Variants in PLPPR1 observed in about 807,000 individuals in gnomAD.
PLPPR1 encodes the protein phospholipid phosphatase-related protein type 1.
In PLPPR1, 10 loss-of-function variants were observed where a neutral mutation model predicts 33.1. The ratio of observed to expected loss-of-function variants is 0.30; its 90% CI spans 0.19 to 0.51. PLPPR1 has a LOEUF of 0.51. PLPPR1 is among the 20% of genes least tolerant of loss of function. The pLI is 0.97. For synonymous variants in PLPPR1, 151 were observed against 151.0 expected (o/e 1.00, Z 0.00); for missense variants, 304 against 408.1 (o/e 0.74, Z 2.20).
chr9:101,122,237 C>T (rs1831187099), intron 1 of PLPPR1, among the ~76,000 whole-genome samples: 1 of 152,172 alleles, frequency 6.6e-6, no homozygotes. Context: ...CTAATCTCAC[C>T]ACAGGAACAC....
At chr9:101,055,775 G>A (rs1482391798) in intron 1 of PLPPR1, among the ~76,000 whole-genome samples, 1 of 152,078 alleles carries the variant, frequency 6.6e-6, no homozygotes, top group Non-Finnish European at 1.5e-5. Context: ...GGGCCACATG[G>A]TTCCACATCA....
intron 2 of PLPPR1, among the ~76,000 whole-genome samples, chr9:101,240,794 G>A (rs998911661): frequency 6.6e-6 from 1 of 152,074 alleles, no homozygotes; most frequent in African/African-American, 2.4e-5. Context: ...AGGCCAACTG[G>A]ATCTTTGTTA....
chr9:101,168,594 A>G (rs1346043326), intron 1 of PLPPR1, among the ~76,000 whole-genome samples: 2 of 152,134 alleles, frequency 1.3e-5, no homozygotes, highest in Non-Finnish European at 2.9e-5. Flanking sequence ...TCTAGGTTGT[A>G]AGCTACCTGC....
At chr9:101,039,755 C>G (rs2118415497) in intron 1 of PLPPR1, among the ~76,000 whole-genome samples, 1 of 151,848 alleles carries the variant, frequency 6.6e-6, no homozygotes, top group South Asian at 2.1e-4. Flanking sequence ...TTTTTAAAAC[C>G]ATCAGATCTC....
chr9:101,129,097 C>A (rs7026834), intron 1 of PLPPR1, among the ~76,000 whole-genome samples: 4 of 151,746 alleles, frequency 2.6e-5, no homozygotes, highest in African/African-American at 9.7e-5. Context: ...GATTTTGAAC[C>A]ATATAGGGTA....
At chr9:101,195,008 T>C (rs149941909) in intron 2 of PLPPR1, among the ~76,000 whole-genome samples, 41 of 152,324 alleles carry the variant, frequency 2.7e-4, no homozygotes, top group African/African-American at 7.9e-4. Context: ...TGGCTTAACA[T>C]ATCACAGGCT....
intron 3 of PLPPR1, among the ~76,000 whole-genome samples, chr9:101,281,061 AAATTC>A (rs1209183832): frequency 6.7e-6 from 1 of 150,322 alleles, no homozygotes; most frequent in Non-Finnish European, 1.5e-5. Context: ...ACTGATACAT[AAATTC>A]AATAAAATTT....
intron 1 of PLPPR1, among the ~76,000 whole-genome samples, chr9:101,156,430 G>A (rs559423413): frequency 6.6e-6 from 1 of 151,590 alleles, no homozygotes; most frequent in Non-Finnish European, 1.5e-5. Context: ...TCTGCCTGTG[G>A]TCCCAACTAT....
chr9:101,225,905 C>T (rs1055707537), intron 2 of PLPPR1, among the ~76,000 whole-genome samples: 7 of 151,996 alleles, frequency 4.6e-5, no homozygotes, highest in African/African-American at 1.7e-4. Context: ...TAGGATCAAC[C>T]CATCAATATC....
intron 1 of PLPPR1, among the ~76,000 whole-genome samples, chr9:101,059,862 A>C (rs1830323273): frequency 6.6e-6 from 1 of 152,026 alleles, no homozygotes; most frequent in African/African-American, 2.4e-5. Context: ...GCACACCATT[A>C]ATGAGAATGT....
At chr9:101,322,247 A>G (rs1379811805) in intron 7 of PLPPR1, among the ~76,000 whole-genome samples, 2 of 150,308 alleles carry the variant, frequency 1.3e-5, no homozygotes, top group East Asian at 3.9e-4. Context: ...TCAGGAAAGC[A>G]ATAATAATAA....
chr9:101,077,827 G>C (rs746489662), intron 1 of PLPPR1, among the ~76,000 whole-genome samples: 30 of 151,954 alleles, frequency 2.0e-4, no homozygotes, highest in Non-Finnish European at 4.0e-4. Context: ...ATTTCCAAAA[G>C]GGACACAGGT....
chr9:101,272,733 T>C (rs946125944), intron 3 of PLPPR1, among the ~76,000 whole-genome samples: 2 of 152,224 alleles, frequency 1.3e-5, no homozygotes, highest in African/African-American at 4.8e-5. Flanking sequence ...TTTTAAAGGA[T>C]ACAGCATTTT....
intron 2 of PLPPR1, among the ~76,000 whole-genome samples, chr9:101,221,336 A>G (rs1279660982): frequency 2.0e-5 from 3 of 152,122 alleles, no homozygotes; most frequent in Non-Finnish European, 2.9e-5. Flanking sequence ...ACTCCTTGAG[A>G]TAAGTGTCCA....
At chr9:101,205,162 A>G (rs914213147) in intron 2 of PLPPR1, among the ~76,000 whole-genome samples, 1 of 152,150 alleles carries the variant, frequency 6.6e-6, no homozygotes, top group Non-Finnish European at 1.5e-5. Flanking sequence ...CTCTACCCTG[A>G]AGGCATTAGA....
rs1005479807 is a variant in PLPPR1 at position 101,225,231 on chromosome 9, A to T, written c.63+39674A>T. On this transcript the variant is annotated intron_variant, in intron 2 of 7. Transcript: ENST00000374874. ...AGGAATCTGTCATTTGGACTCATTT[A>T]AGGAATGAATTTTGCCAGCAATTCC... Among the ~76,000 whole-genome samples the T allele has an allele frequency of 1.8e-4, 28 of 152,330 alleles. 1 individual carries two copies. Among genetic ancestry groups the T allele is most frequent in the Admixed American group, 1.3e-3 (20 of 15,304 alleles).
At chr9:101,052,323 T>C (rs1830231598) in intron 1 of PLPPR1, among the ~76,000 whole-genome samples, 1 of 152,226 alleles carries the variant, frequency 6.6e-6, no homozygotes, top group Non-Finnish European at 1.5e-5. Context: ...ACTTTGGGCA[T>C]GTCTAGAGAC....
At chr9:101,055,998 A>T (rs946413197) in intron 1 of PLPPR1, among the ~76,000 whole-genome samples, 1 of 152,362 alleles carries the variant, frequency 6.6e-6, no homozygotes, top group Non-Finnish European at 1.5e-5. Context: ...TATTAATACA[A>T]AAGCAGCAAT....
intron 4 of PLPPR1, among the ~76,000 whole-genome samples, chr9:101,306,507 T>C (rs2118950273): frequency 6.6e-6 from 1 of 152,308 alleles, no homozygotes; most frequent in Non-Finnish European, 1.5e-5. Flanking sequence ...ATATTCAGAA[T>C]TCTGAACACA....
Sources: gnomAD v4.1 joint callset for allele counts (sites outside exome capture counted in the v4.1 genomes callset) on GRCh38, gnomAD v4.1.1 for gene constraint, MANE v1.5 for transcripts, NCBI Gene and HGNC (gene_info 2026-07-23, HGNC 2026-07-21) for gene names.